The following MPZL2 variants were observed in gnomAD, a reference collection of about 807,000 sequenced individuals.
MPZL2 encodes myelin protein zero-like protein 2.
In MPZL2, 32 loss-of-function variants were observed where a neutral mutation model predicts 24.5. The ratio of observed to expected loss-of-function variants is 1.31; its 90% CI spans 0.99 to 1.76. MPZL2 has a LOEUF of 1.76. Ranked by LOEUF, MPZL2 falls within the 40% of genes most tolerant of loss-of-function variation. The pLI, the probability that MPZL2 is intolerant of heterozygous loss-of-function variation, is 0.00. For missense variants in MPZL2, 304 were observed against 274.9 expected, an observed-to-expected ratio of 1.11 and a Z score of -0.75; for synonymous variants, 92 against 97.9, an observed-to-expected ratio of 0.94 and a Z score of 0.36.
chr11:118,261,994 T>G (rs77961035), intron 3 of MPZL2, among the ~76,000 whole-genome samples: 7,391 of 152,282 alleles, frequency 0.049, 607 homozygotes, highest in African/African-American at 0.17. Flanking sequence ...CAGTAAGTGT[T>G]AGCTCCCATC....
Position 118,261,743 on chromosome 11 carries a change from T to C in MPZL2, c.436+695A>G, listed in dbSNP as rs186476801. 4.2e-3 allele frequency among the ~76,000 whole-genome samples: 634 copies of C among 152,334 alleles called. 2 individuals are homozygous for C. Among genetic ancestry groups the C allele is most frequent in the Middle Eastern group, 0.027 (8 of 294 alleles). ...GCATGGTTTTCCAGATTGTCCTTTA[T>C]AGGGATGCAGACAATACAATGCACC... On this transcript the variant is annotated intron_variant, in intron 3 of 5. Coordinates refer to ENST00000278937, the MANE Select transcript of MPZL2 (RefSeq NM_005797.4).
intron 2 of MPZL2, 68 bp downstream of exon 2, chr11:118,262,863 G>A (rs1174886253): frequency 1.3e-6 from 2 of 1,542,268 alleles, no homozygotes; most frequent in Non-Finnish European, 1.8e-6. Flanking sequence ...GGAAGGGAAA[G>A]GAGAAATGGA....
Position 118,261,410 on chromosome 11 carries a change from G to A in MPZL2, c.436+1028C>T, listed in dbSNP as rs186269813. On this transcript the variant is annotated intron_variant, in intron 3 of 5. Transcript: ENST00000278937. ...CTTCTTTGAGCCTCAGTTTCCTCAT[G>A]TATAAACAGAGATAATGATATTCAT... 2.1e-3 allele frequency among the ~76,000 whole-genome samples: 324 copies of A among 152,268 alleles called. 2 individuals are homozygous for A. The highest frequency in any genetic ancestry group is 7.6e-3 in the African/African-American group (315 of 41,550).
Position 118,260,148 on chromosome 11 carries a change from GT to G in MPZL2, c.489del (p.Leu164Ter). ...FLALAIGSAC[A>X]LMIIIVIVVV... is the part of the protein sequence containing the mutation. ...ACTACAATTACTATTATGATCATCA[GT>G]GCACAGGCAGAGCCAATGGCCAGAG... On this transcript the variant is annotated frameshift_variant, in exon 4 of 6. Transcript: ENST00000278937. LOFTEE classifies it high-confidence loss of function. 9.3e-6 allele frequency: 15 copies of G among 1,614,082 alleles called. No homozygotes were observed. Among genetic ancestry groups the G allele is most frequent in the Non-Finnish European group, 1.2e-5 (14 of 1,179,976 alleles).
At chr11:118,258,398 T>G (rs1949676544) in intron 4 of MPZL2, among the ~76,000 whole-genome samples, 1 of 152,190 alleles carries the variant, frequency 6.6e-6, no homozygotes, top group South Asian at 2.1e-4. Flanking sequence ...GGAACTAGTA[T>G]CCCTTAAATA....
chr11:118,263,635 T>C (rs1949719164), intron 1 of MPZL2, among the ~76,000 whole-genome samples: 2 of 152,154 alleles, frequency 1.3e-5, no homozygotes, highest in African/African-American at 2.4e-5. Context: ...CCTAGAACCT[T>C]TGTACCACGT....
chr11:118,255,969 T>A (rs1949657012), intron 5 of MPZL2, among the ~76,000 whole-genome samples: 1 of 152,178 alleles, frequency 6.6e-6, no homozygotes, highest in African/African-American at 2.4e-5. Context: ...ATCTAAAACA[T>A]CTCCCATATT....
In MPZL2 at chr11:118,254,927, G is replaced by A. The variant is rs1029689249; in HGVS notation, c.*319C>T. On this transcript the variant is annotated 3_prime_UTR_variant, in exon 6 of 6. Coordinates refer to ENST00000278937, the MANE Select transcript of MPZL2 (RefSeq NM_005797.4). ...TTTATCCCTTTTGATACCAATATATGTGTATACAAGTCATAACACTGTAAG... is the reference window on the plus strand; with the variant it reads ...TTTATCCCTTTTGATACCAATATATATGTATACAAGTCATAACACTGTAAG... 5.9e-5 allele frequency: 9 copies of A among 152,192 alleles called. No individual in the cohort carries two copies. Among genetic ancestry groups the A allele is most frequent in the Non-Finnish European group, 1.3e-4 (9 of 68,034 alleles). The allele number at this position is 152,192 out of a possible 1,614,324, so 9.4% of individuals were successfully genotyped here.
chr11:118,259,930 G>A (rs1949687867), intron 4 of MPZL2, 124 bp downstream of exon 4: 2 of 1,141,014 alleles, frequency 1.8e-6, no homozygotes, highest in South Asian at 3.4e-5. Flanking sequence ...CTGCAAATGT[G>A]AATTCTTTTA....
rs751288363 is a variant in MPZL2 at position 118,260,055 on chromosome 11, A to AT, written c.582dup (p.Ser195IlefsTer29). 4.3e-6 allele frequency: 7 copies of AT among 1,613,866 alleles called. No homozygotes were observed. In the South Asian group the frequency reaches 5.5e-5, roughly 13 times the overall value. On this transcript the variant is annotated frameshift_variant and splice_region_variant, in exon 4 of 6. Coordinates refer to ENST00000278937, the MANE Select transcript of MPZL2 (RefSeq NM_005797.4). LOFTEE classifies it high-confidence loss of function. ...TTTCCCAGAACTGCCCAGCCTTACG[A>AT]TTTTATCTCCACCACTTTATGAGCT...
At chr11:118,263,289 A>G (rs1949716575) in intron 1 of MPZL2, 192 bp from the exon 2 acceptor site, 1 of 560,822 alleles carries the variant, frequency 1.8e-6, no homozygotes. Context: ...CTCCCATTCC[A>G]TGTGACAACT....
intron 1 of MPZL2, chr11:118,263,340 T>C: frequency 4.3e-6 from 2 of 469,346 alleles, no homozygotes; most frequent in Non-Finnish European, 7.5e-6. Context: ...TTTTACTTTC[T>C]CCACAGCATT....
At chr11:118,256,954 G>T (rs191190521) in intron 5 of MPZL2, 4 of 218,852 alleles carry the variant, frequency 1.8e-5, no homozygotes, top group East Asian at 9.6e-5. Context: ...ATATTTATTA[G>T]TAGTAGTAGT....
At position 118,262,398 on chromosome 11, in the gene MPZL2, T is replaced by G. The variant is rs778652967; in HGVS notation, c.436+40A>C. On this transcript the variant is annotated intron_variant, in intron 3 of 5. Transcript: ENST00000278937. ...GATTGCCCCTTTCTTTTCTACAAGC[T>G]CTCATCCTTTCCAAAACCACTGTTC... 7.5e-6 allele frequency: 12 copies of G among 1,594,122 alleles called. No individual in the cohort carries two copies. The East Asian group carries it at 2.7e-4, about 36-fold the overall frequency.
rs750658681 is a variant in MPZL2 at position 118,264,190 on chromosome 11, G to T, written c.-37C>A. ...AGCCTTGGCCCCAGAGACCGGACGGGGCAGACCGAGGGCTCCAACACCCTG... is the reference window on the plus strand; with the variant it reads ...AGCCTTGGCCCCAGAGACCGGACGGTGCAGACCGAGGGCTCCAACACCCTG... On this transcript the variant is annotated 5_prime_UTR_variant, in exon 1 of 6. Coordinates refer to ENST00000278937, the MANE Select transcript of MPZL2 (RefSeq NM_005797.4). 2 of 1,607,250 alleles carry T rather than the reference G, an allele frequency of 1.2e-6. No individual in the cohort carries two copies. The highest frequency in any genetic ancestry group is 1.7e-6 in the Non-Finnish European group (2 of 1,174,086).
intron 4 of MPZL2, among the ~76,000 whole-genome samples, chr11:118,258,577 C>G (rs777479091): frequency 6.6e-6 from 1 of 152,090 alleles, no homozygotes; most frequent in Non-Finnish European, 1.5e-5. Flanking sequence ...CAATGAGATA[C>G]CACTTCACAT....
rs543499001 is a variant in MPZL2, at chr11:118,263,000, A to C, written c.156T>G (p.Phe52Leu). Residue 52 changes from phenylalanine to leucine, a missense_variant, in exon 2 of 6, where the codon TTT becomes TTG. By Grantham distance (22) the Phe-to-Leu change is conservative. Coordinates refer to ENST00000278937, the MANE Select transcript of MPZL2 (RefSeq NM_005797.4). ...DARLKCTFSS[F>L]APVGDALTVT... ...CTGTTAGAGCATCACCCACAGGGGC[A>C]AAGCTGGAGAAAGTGCATTTTAACC... 6.2e-7 allele frequency: 1 copy of C among 1,614,224 alleles called. No individual in the cohort carries two copies. Among genetic ancestry groups the C allele is most frequent in the South Asian group, 1.1e-5 (1 of 91,088 alleles).
intron 3 of MPZL2, among the ~76,000 whole-genome samples, chr11:118,261,718 G>A (rs2134733183): frequency 6.6e-6 from 1 of 152,256 alleles, no homozygotes; most frequent in South Asian, 2.1e-4. Flanking sequence ...TTGTTGCTTG[G>A]CATGGTTTTC....
chr11:118,263,299 TA>T, intron 1 of MPZL2: 1 of 545,268 alleles, frequency 1.8e-6, no homozygotes, highest in African/African-American at 1.9e-5. Flanking sequence ...ATGTGACAAC[TA>T]AACTACCACA....
Sources: gnomAD v4.1 joint callset for allele counts (sites outside exome capture counted in the v4.1 genomes callset) on GRCh38, gnomAD v4.1.1 for gene constraint, MANE v1.5 for transcripts, NCBI Gene and HGNC (gene_info 2026-07-23, HGNC 2026-07-21) for gene names.